SOX6: variants seen among roughly 807,000 people sequenced by gnomAD.
SOX6 encodes the protein transcription factor SOX-6.
In SOX6, 11 loss-of-function variants were observed where a neutral mutation model predicts 97.8. The ratio of observed to expected loss-of-function variants is 0.11; its 90% confidence interval spans 0.07 to 0.19. The LOEUF is 0.19. Among genes scored for constraint, SOX6 ranks in the 10% least tolerant of loss-of-function variants. The probability of loss-of-function intolerance (pLI) is 1.00; values close to 1 mark genes in which losing one functional copy is unlikely to be tolerated. For missense variants in SOX6, 810 were observed against 1,039.5 expected, an observed-to-expected ratio of 0.78 and a Z score of 3.04; for synonymous variants, 360 against 371.4, an observed-to-expected ratio of 0.97 and a Z score of 0.35.
intron 12 of SOX6, among the ~76,000 whole-genome samples, chr11:16,045,666 G>A (rs183497657): frequency 6.6e-6 from 1 of 152,068 alleles, no homozygotes; most frequent in Non-Finnish European, 1.5e-5. Flanking sequence ...CCTTGGTGCT[G>A]GTCTAATCCT....
chr11:16,008,145 A>G (rs1327073838), intron 13 of SOX6, among the ~76,000 whole-genome samples: 1 of 152,100 alleles, frequency 6.6e-6, no homozygotes, highest in African/African-American at 2.4e-5. Context: ...TACAATGTAA[A>G]TACTATGTAA....
intron 3 of SOX6, among the ~76,000 whole-genome samples, chr11:16,240,492 A>T (rs546303813): frequency 3.3e-5 from 5 of 152,066 alleles, no homozygotes; most frequent in East Asian, 3.9e-4. Flanking sequence ...ATTCTTAGAT[A>T]TTTTTTTCAT....
intron 4 of SOX6, among the ~76,000 whole-genome samples, chr11:16,611,576 C>T (rs1848399461): frequency 6.6e-6 from 1 of 152,234 alleles, no homozygotes; most frequent in Non-Finnish European, 1.5e-5. Flanking sequence ...TAAACCAACA[C>T]TTCAGCTGCC....
chr11:16,382,639 T>C (rs1033133494), intron 1 of SOX6, among the ~76,000 whole-genome samples: 12 of 151,978 alleles, frequency 7.9e-5, no homozygotes. Context: ...ATCTCTCAAC[T>C]TGGGGGAAAA....
intron 1 of SOX6, among the ~76,000 whole-genome samples, chr11:16,355,712 G>C (rs1368554386): frequency 6.6e-6 from 1 of 151,864 alleles, no homozygotes; most frequent in African/African-American, 2.4e-5. Context: ...AACTAGCCGT[G>C]TATATTGGAA....
chr11:16,515,008 C>T (rs1470017180), intron 4 of SOX6, among the ~76,000 whole-genome samples: 29 of 151,742 alleles, frequency 1.9e-4, no homozygotes, highest in African/African-American at 5.1e-4. Context: ...AATAAACATA[C>T]GTGTGCATGT....
intron 3 of SOX6, among the ~76,000 whole-genome samples, chr11:16,262,472 T>C (rs1853932868): frequency 6.6e-6 from 1 of 152,016 alleles, no homozygotes; most frequent in Non-Finnish European, 1.5e-5. Context: ...AGTCTAAAAG[T>C]GTGCTCTTTA....
intron 4 of SOX6, among the ~76,000 whole-genome samples, chr11:16,523,695 C>T (rs1202205616): frequency 1.3e-5 from 2 of 152,054 alleles, no homozygotes; most frequent in Admixed American, 6.5e-5. Context: ...AATCCAGGAG[C>T]TGGTTTTTTG....
At chr11:16,033,318 G>C (rs1855431814) in intron 12 of SOX6, among the ~76,000 whole-genome samples, 1 of 152,096 alleles carries the variant, frequency 6.6e-6, no homozygotes, top group South Asian at 2.1e-4. Context: ...CACCTCCCAA[G>C]TGAGTAAACA....
At chr11:16,138,084 T>G (rs1379335655) in intron 6 of SOX6, among the ~76,000 whole-genome samples, 3 of 152,210 alleles carry the variant, frequency 2.0e-5, no homozygotes, top group African/African-American at 7.2e-5. Context: ...TTCTTCACAT[T>G]TACTATAGAT....
intron 3 of SOX6, among the ~76,000 whole-genome samples, chr11:16,265,814 T>C (rs1482941103): frequency 6.6e-6 from 1 of 151,808 alleles, no homozygotes; most frequent in African/African-American, 2.4e-5. Flanking sequence ...ATGAAAAACA[T>C]ACTGAATAAA....
chr11:16,295,100 AT>A (rs1468262443), intron 3 of SOX6, among the ~76,000 whole-genome samples: 1 of 152,144 alleles, frequency 6.6e-6, no homozygotes, highest in Admixed American at 6.6e-5. Context: ...ATTATTGTTC[AT>A]GTAGATTTAG....
chr11:16,088,452 C>T (rs1363270998), intron 9 of SOX6, among the ~76,000 whole-genome samples: 1 of 152,144 alleles, frequency 6.6e-6, no homozygotes, highest in Admixed American at 6.5e-5. Flanking sequence ...CTGTGCTCTG[C>T]CTTTTCACCC....
chr11:16,327,897 G>A (rs968369368), intron 2 of SOX6, among the ~76,000 whole-genome samples: 4 of 152,124 alleles, frequency 2.6e-5, no homozygotes, highest in Admixed American at 1.3e-4. Context: ...TTCCCTACCG[G>A]CTGCCCAGTC....
intron 4 of SOX6, among the ~76,000 whole-genome samples, chr11:16,488,700 A>G (rs1489940354): frequency 6.6e-6 from 1 of 152,132 alleles, no homozygotes; most frequent in Non-Finnish European, 1.5e-5. Flanking sequence ...GTCCTTCTCA[A>G]CCTTACCTTA....
At position 16,605,141 on chromosome 11, in the gene SOX6, A is replaced by G. The variant is rs1848319531; in HGVS notation, n.609+6940T>C. ...CCTGCCCTGGGCCGAGCCCGGGAGCAGCGGACCGCGGCCCCGGCTGCAGAG... is the reference window on the plus strand; with the variant it reads ...CCTGCCCTGGGCCGAGCCCGGGAGCGGCGGACCGCGGCCCCGGCTGCAGAG... On this transcript the variant is annotated intron_variant and non_coding_transcript_variant, in intron 4 of 5. Transcript: ENST00000524520. This position sits in a 1 kb window ranked among gnomAD's most constrained non-coding sequence, Gnocchi z 5.3. Among the ~76,000 whole-genome samples, 2 of 151,800 alleles carry G rather than the reference A, an allele frequency of 1.3e-5. No individual in the cohort carries two copies. Among genetic ancestry groups the G allele is most frequent in the African/African-American group, 2.4e-5 (1 of 41,380 alleles).
intron 4 of SOX6, among the ~76,000 whole-genome samples, chr11:16,527,716 C>A (rs973964319): frequency 1.3e-5 from 2 of 152,102 alleles, no homozygotes; most frequent in Non-Finnish European, 2.9e-5. Context: ...GTTTGGAGAA[C>A]AGCATGTCCC....
intron 12 of SOX6, among the ~76,000 whole-genome samples, chr11:16,043,103 G>A (rs114956371): frequency 1.9e-3 from 289 of 152,276 alleles, no homozygotes; most frequent in African/African-American, 6.7e-3. Flanking sequence ...TAGCTCTGAG[G>A]AGACTTAGAA....
At chr11:16,352,271 G>T (rs996333194) in intron 1 of SOX6, among the ~76,000 whole-genome samples, 2 of 151,692 alleles carry the variant, frequency 1.3e-5, no homozygotes, top group African/African-American at 4.8e-5. Context: ...TGGATGGATG[G>T]ATGGATGGAT....
Sources: gnomAD v4.1 joint callset for allele counts (sites outside exome capture counted in the v4.1 genomes callset) on GRCh38, gnomAD v4.1.1 for gene constraint, Gnocchi (gnomAD v3.1) non-coding constraint, MANE v1.5 for transcripts, NCBI Gene and HGNC (gene_info 2026-07-23, HGNC 2026-07-21) for gene names.